TBC1D22A: variants seen among roughly 807,000 people sequenced by gnomAD.
TBC1D22A encodes the protein putative GTPase activator.
In TBC1D22A, 38 loss-of-function variants were observed where a neutral mutation model predicts 60.2. That is an observed-to-expected ratio of 0.63 (90% CI 0.49 to 0.83). TBC1D22A has a LOEUF of 0.83. TBC1D22A is among the 40% of genes least tolerant of loss of function. The pLI is 0.00. For synonymous variants in TBC1D22A, 302 were observed against 281.7 expected, an observed-to-expected ratio of 1.07 and a Z score of -0.72; for missense variants, 628 against 701.0, an observed-to-expected ratio of 0.90 and a Z score of 1.18.
At position 46,894,764 on chromosome 22, in the gene TBC1D22A, C is replaced by T. The variant is rs370615346; in HGVS notation, c.838-20C>T. ...TTTGTTGTGACGTAACATAAATGTC[C>T]GTTTCTCCTGCTTCTCCAGATCCAC... On this transcript the variant is annotated intron_variant, in intron 6 of 12. Transcript: ENST00000337137. 15 of 1,613,898 alleles carry T rather than the reference C, an allele frequency of 9.3e-6. No individual in the cohort carries two copies. The highest frequency in any genetic ancestry group is 4.5e-5 in the East Asian group (2 of 44,894).
chr22:47,049,767 A>T (rs2063148605), intron 11 of TBC1D22A, among the ~76,000 whole-genome samples: 1 of 152,312 alleles, frequency 6.6e-6, no homozygotes, highest in East Asian at 1.9e-4. Context: ...TGGCCTGTGG[A>T]TAGATCATAG....
intron 10 of TBC1D22A, among the ~76,000 whole-genome samples, chr22:47,018,792 G>A (rs1288627525): frequency 6.6e-6 from 1 of 152,158 alleles, no homozygotes; most frequent in African/African-American, 2.4e-5. Context: ...GAAAATGGAG[G>A]CGACTGGGAT....
chr22:46,861,407 CCT>C (rs1471041652), intron 4 of TBC1D22A, among the ~76,000 whole-genome samples: 2 of 152,188 alleles, frequency 1.3e-5, no homozygotes, highest in Non-Finnish European at 2.9e-5. Context: ...GCCCAGGTGG[CCT>C]CTCTGTGTGT....
chr22:47,169,854 C>T (rs911444239), intron 12 of TBC1D22A, among the ~76,000 whole-genome samples: 1 of 152,184 alleles, frequency 6.6e-6, no homozygotes, highest in Admixed American at 6.5e-5. Context: ...ATGCAAGTGC[C>T]GTCTATAGTT....
chr22:46,867,842 A>T (rs367811250), intron 4 of TBC1D22A, among the ~76,000 whole-genome samples: 1 of 152,210 alleles, frequency 6.6e-6, no homozygotes, highest in Non-Finnish European at 1.5e-5. Flanking sequence ...TAAGCAGATG[A>T]CTCCAGAGGA....
intron 9 of TBC1D22A, 46 bp from the exon 10 acceptor site, chr22:46,997,588 G>A (rs2075162932): frequency 6.6e-7 from 1 of 1,523,186 alleles, no homozygotes; most frequent in Non-Finnish European, 9.1e-7. Flanking sequence ...TGGAAAGTTT[G>A]TTTTATTTTA....
chr22:46,852,933 C>A (rs1236142047), intron 4 of TBC1D22A, among the ~76,000 whole-genome samples: 1 of 152,188 alleles, frequency 6.6e-6, no homozygotes, highest in Non-Finnish European at 1.5e-5. Context: ...CATGAAGAGC[C>A]TGGTTTGGGT....
chr22:47,054,431 C>T (rs920370464), intron 11 of TBC1D22A, among the ~76,000 whole-genome samples: 1 of 152,114 alleles, frequency 6.6e-6, no homozygotes, highest in Non-Finnish European at 1.5e-5. Context: ...CGTCTGTGTC[C>T]ACTCCCGGCC....
chr22:46,984,710 T>C (rs136120), intron 9 of TBC1D22A, among the ~76,000 whole-genome samples: 43,728 of 152,032 alleles, frequency 0.29, 6,385 homozygotes, highest in East Asian at 0.31. Context: ...ATGGAGGTAA[T>C]AGGAATATTG....
intron 12 of TBC1D22A, among the ~76,000 whole-genome samples, chr22:47,153,201 G>C (rs2067575808): frequency 6.6e-6 from 1 of 152,190 alleles, no homozygotes; most frequent in African/African-American, 2.4e-5. Flanking sequence ...TCCCTGCCAA[G>C]ACAGCTTCCT....
intron 1 of TBC1D22A, chr22:46,774,168 C>T: frequency 8.1e-6 from 8 of 985,606 alleles, no homozygotes; most frequent in Non-Finnish European, 7.2e-6. Context: ...AGCCTGAGGC[C>T]TGGCTCCTCC....
intron 8 of TBC1D22A, among the ~76,000 whole-genome samples, chr22:46,958,455 G>A (rs1042155549): frequency 6.6e-6 from 1 of 152,190 alleles, no homozygotes; most frequent in Non-Finnish European, 1.5e-5. Context: ...GCATATGCAT[G>A]TGGAGAGGCC....
At chr22:46,948,020 T>C (rs2072658295) in intron 8 of TBC1D22A, among the ~76,000 whole-genome samples, 1 of 152,170 alleles carries the variant, frequency 6.6e-6, no homozygotes, top group Non-Finnish European at 1.5e-5. Flanking sequence ...CTTTGTACAC[T>C]TGCATAAATG....
At chr22:46,985,326 C>A (rs1455085458) in intron 9 of TBC1D22A, among the ~76,000 whole-genome samples, 1 of 152,092 alleles carries the variant, frequency 6.6e-6, no homozygotes, top group Non-Finnish European at 1.5e-5. Flanking sequence ...CCACACCTGC[C>A]CCAGATGCCG....
intron 4 of TBC1D22A, among the ~76,000 whole-genome samples, chr22:46,835,385 C>G (rs1289897069): frequency 6.6e-6 from 1 of 151,958 alleles, no homozygotes; most frequent in East Asian, 1.9e-4. Context: ...ATGGGAAGTT[C>G]AACAAAGAGA....
chr22:47,171,157 A>G (rs1165230789), intron 12 of TBC1D22A, among the ~76,000 whole-genome samples: 1 of 152,148 alleles, frequency 6.6e-6, no homozygotes, highest in African/African-American at 2.4e-5. Flanking sequence ...AGCCAGGCCC[A>G]CTGCCCAAGA....
At chr22:46,863,713 C>T (rs958307831) in intron 4 of TBC1D22A, among the ~76,000 whole-genome samples, 6 of 152,156 alleles carry the variant, frequency 3.9e-5, no homozygotes, top group East Asian at 1.9e-4. Context: ...AAAGCATTTC[C>T]GTCATTCAGG....
Position 47,000,240 on chromosome 22 carries a change from G to A in TBC1D22A, c.1201+2531G>A, listed in dbSNP as rs560907029. Among the ~76,000 whole-genome samples the A allele has an allele frequency of 3.9e-5, 6 of 152,220 alleles. No individual in the cohort carries two copies. The East Asian group carries it at 7.8e-4, about 20-fold the overall frequency. On this transcript the variant is annotated intron_variant, in intron 10 of 12. Coordinates refer to ENST00000337137, the MANE Select transcript of TBC1D22A (RefSeq NM_014346.5). ...GCGGAAGTTTCAGCAGTGGTGGCGC[G>A]AGGATAAGGGCTCATCAGGAGCGAG...
Position 47,163,281 on chromosome 22 carries a change from G to A in TBC1D22A, c.1426-10217G>A, listed in dbSNP as rs560437935. Among the ~76,000 whole-genome samples the A allele has an allele frequency of 5.9e-5, 9 of 152,356 alleles. No homozygotes were observed. The East Asian group carries it at 1.2e-3, about 20-fold the overall frequency. ...CTGGCATCCAGGGCAGAGGCCATGG[G>A]TCCCCTCCCAATGCCTGCACTCATC... On this transcript the variant is annotated intron_variant, in intron 12 of 12. Transcript: ENST00000337137.
Sources: allele counts gnomAD v4.1 joint callset (sites outside exome capture counted in the v4.1 genomes callset), GRCh38; gene constraint gnomAD v4.1.1; transcripts MANE v1.5; gene names NCBI Gene and HGNC (gene_info 2026-07-23, HGNC 2026-07-21).